Variants in OR2T1 observed in about 807,000 individuals in gnomAD.
OR2T1 encodes olfactory receptor 2T1.
For synonymous variants in OR2T1, 186 were observed against 145.4 expected, an observed-to-expected ratio of 1.28 and a Z score of -2.01; for missense variants, 440 against 390.2, an observed-to-expected ratio of 1.13 and a Z score of -1.07.
chr1:248,403,162 C>T lies in OR2T1; in HGVS notation c.-117C>T, dbSNP rs1321837189. On this transcript the variant is annotated 5_prime_UTR_variant, in exon 1 of 2. Coordinates refer to ENST00000642005, the MANE Select transcript of OR2T1 (RefSeq NM_030904.2). ...AACAATCCTTTCAAGTCAAAGGATA[C>T]TTGGGGGAAAAGATAGACTTTAACT... 6.6e-6 allele frequency: 1 copy of T among 152,068 alleles called. No individual in the cohort carries two copies. The highest frequency in any genetic ancestry group is 1.9e-4 in the East Asian group (1 of 5,188). 9.4% of individuals were successfully genotyped at this position (152,068 alleles called of 1,614,324 possible).
chr1:248,406,797 A>G lies in OR2T1; in HGVS notation c.650A>G (p.Tyr217Cys), dbSNP rs1319776040. The G allele has an allele frequency of 1.2e-6, 2 of 1,614,106 alleles. No individual in the cohort carries two copies. The highest frequency in any genetic ancestry group is 1.1e-5 in the South Asian group (1 of 91,074). The change falls in exon 2 of 2, where the codon TAT becomes TGT. Residue 217 changes from tyrosine to cysteine, a missense_variant. Tyr to Cys is a radical substitution (Grantham distance 194). Coordinates refer to ENST00000642005, the MANE Select transcript of OR2T1 (RefSeq NM_030904.2). Reference protein sequence around the residue: ...LIPFSVVLASYARILTTVQCM... With the variant: ...LIPFSVVLASCARILTTVQCM... ...CCTTTCTCTGTAGTCCTTGCTTCCT[A>G]TGCCCGAATCCTGACTACAGTTCAG...
chr1:248,406,472 G>A lies in OR2T1; in HGVS notation c.325G>A (p.Ala109Thr), dbSNP rs147198517. 4.3e-6 allele frequency: 7 copies of A among 1,614,034 alleles called. No individual in the cohort carries two copies. The African/African-American group carries it at 5.3e-5, about 12-fold the overall frequency. ...QHFLYLTLVG[A>T]EFFLLGLMAY... Reference sequence around the variant, plus strand: ...CTTCCTCTACCTTACCCTTGTGGGAGCTGAATTCTTCCTGCTGGGCCTCAT... The same window carrying A: ...CTTCCTCTACCTTACCCTTGTGGGAACTGAATTCTTCCTGCTGGGCCTCAT... Residue 109 changes from alanine to threonine, a missense_variant, in exon 2 of 2, where the codon GCT (alanine) becomes ACT (threonine). Coordinates refer to ENST00000642005, the MANE Select transcript of OR2T1 (RefSeq NM_030904.2).
rs758989536 is a variant in OR2T1 at position 248,406,181 on chromosome 1, A to G, written c.34A>G (p.Thr12Ala). 3.7e-6 allele frequency: 6 copies of G among 1,614,002 alleles called. No homozygotes were observed. Among genetic ancestry groups the G allele is most frequent in the Middle Eastern group, 1.7e-4 (1 of 6,060 alleles). Residue 12 changes from threonine to alanine, a missense_variant, in exon 2 of 2, where the codon ACT becomes GCT. Coordinates refer to ENST00000642005, the MANE Select transcript of OR2T1 (RefSeq NM_030904.2). The part of the protein sequence containing the change: ...EEYNTSSTDF[T>A]FMGLFNRKET... ...GTACAACACATCCTCTACAGACTTC[A>G]CTTTCATGGGGCTGTTCAACAGAAA... is the stretch of plus-strand genomic sequence containing the variant.
In OR2T1 at chr1:248,403,168, G is replaced by A. The variant is rs1015205303; in HGVS notation, c.-111G>A. 5 of 152,088 alleles carry A rather than the reference G, an allele frequency of 3.3e-5. No individual in the cohort carries two copies. The highest frequency in any genetic ancestry group is 4.1e-4 in the South Asian group (2 of 4,834). 9.4% of individuals were successfully genotyped at this position (152,088 alleles called of 1,614,324 possible). Reference sequence around the variant, plus strand: ...CCTTTCAAGTCAAAGGATACTTGGGGGAAAAGATAGACTTTAACTGCTGAT... The same window carrying A: ...CCTTTCAAGTCAAAGGATACTTGGGAGAAAAGATAGACTTTAACTGCTGAT... On this transcript the variant is annotated 5_prime_UTR_variant, in exon 1 of 2. Coordinates refer to ENST00000642005, the MANE Select transcript of OR2T1 (RefSeq NM_030904.2).
intron 1 of OR2T1, among the ~76,000 whole-genome samples, chr1:248,404,107 A>C (rs1015442242): frequency 1.8e-5 from 2 of 111,440 alleles, no homozygotes; most frequent in Admixed American, 1.9e-4. Context: ...AGTTTTTCTT[A>C]ATTGCCAGAG....
intron 1 of OR2T1, among the ~76,000 whole-genome samples, chr1:248,403,974 G>A (rs938873402): frequency 2.0e-5 from 3 of 150,122 alleles, no homozygotes; most frequent in Non-Finnish European, 4.4e-5. Context: ...ATAAATCTAT[G>A]GGAGGAAATT....
intron 1 of OR2T1, 39 bp downstream of exon 1, chr1:248,403,284 G>A (rs1558313475): frequency 6.6e-6 from 1 of 152,138 alleles, no homozygotes; most frequent in Non-Finnish European, 1.5e-5. Context: ...AGTTGAATAT[G>A]TAGATTGCTT....
At position 248,406,227 on chromosome 1, in the gene OR2T1, T is replaced by C. The variant is rs1430056609; in HGVS notation, c.80T>C (p.Phe27Ser). ...FNRKETSGLI[F>S]AIISIIFFTA... ...AGAAAGGAAACCTCAGGTCTTATTT[T>C]TGCCATCATCTCTATCATCTTCTTC... Residue 27 changes from phenylalanine to serine, a missense_variant, in exon 2 of 2, where the codon TTT becomes TCT. Transcript: ENST00000642005. 1.2e-6 allele frequency: 2 copies of C among 1,614,146 alleles called. No homozygotes were observed. Among genetic ancestry groups the C allele is most frequent in the Admixed American group, 3.3e-5 (2 of 60,010 alleles).
intron 1 of OR2T1, 138 bp downstream of exon 1, chr1:248,403,383 T>C (rs1390604763): frequency 2.0e-5 from 3 of 152,144 alleles, no homozygotes; most frequent in Non-Finnish European, 4.4e-5. Flanking sequence ...TTGTATAAAA[T>C]ATTTGCACCT....
chr1:248,407,231 G>C lies in OR2T1; in HGVS notation c.*127G>C. 1 of 953,486 alleles carries C rather than the reference G, an allele frequency of 1.0e-6. No homozygotes were observed. Among genetic ancestry groups the C allele is most frequent in the Non-Finnish European group, 1.5e-6 (1 of 652,344 alleles). The allele number at this position is 953,486 out of a possible 1,614,324, so 59.1% of individuals were successfully genotyped here. A position where few individuals can be genotyped will look rare whatever the true frequency, so the allele number is the denominator to read the frequency against. ...TTACAATATTGGTTTTTTGGCTAGG[G>C]TTTCTGGTTCATAACTCCATAGTTA... is the stretch of plus-strand genomic sequence containing the variant. On this transcript the variant is annotated 3_prime_UTR_variant, in exon 2 of 2. Coordinates refer to ENST00000642005, the MANE Select transcript of OR2T1 (RefSeq NM_030904.2).
rs1268355187 is a variant in OR2T1, at chr1:248,407,452, CA to C, written c.*352del. 15 of 244,026 alleles carry C rather than the reference CA, an allele frequency of 6.1e-5. No individual in the cohort carries two copies. The Admixed American group carries it at 7.2e-4, about 12-fold the overall frequency. The allele number at this position is 244,026 out of a possible 1,614,324, so 15.1% of individuals were successfully genotyped here. A position where few individuals can be genotyped will look rare whatever the true frequency, so the allele number is the denominator to read the frequency against. ...ACTGTATGTCATAAGACCTCTGTTT[CA>C]AAAGAGGTCTTCTCTCATACCCTGG... On this transcript the variant is annotated 3_prime_UTR_variant, in exon 2 of 2. Coordinates refer to ENST00000642005, the MANE Select transcript of OR2T1 (RefSeq NM_030904.2).
chr1:248,403,134 A>G lies in OR2T1; in HGVS notation c.-145A>G, dbSNP rs1661466686. 1 of 152,160 alleles carries G rather than the reference A, an allele frequency of 6.6e-6. No individual in the cohort carries two copies. The highest frequency in any genetic ancestry group is 1.5e-5 in the Non-Finnish European group (1 of 68,030). The allele number at this position is 152,160 out of a possible 1,614,324, so 9.4% of individuals were successfully genotyped here. ...CAGTTTTTTCTGAGAATTTCTACTA[A>G]GTAACAATCCTTTCAAGTCAAAGGA... is the stretch of plus-strand genomic sequence containing the variant. On this transcript the variant is annotated 5_prime_UTR_variant, in exon 1 of 2. Transcript: ENST00000642005.
In OR2T1 at chr1:248,407,319, C is replaced by A; in HGVS notation, c.*215C>A. On this transcript the variant is annotated 3_prime_UTR_variant, in exon 2 of 2. Transcript: ENST00000642005. ...TCTCTCTGTGATCTTCGCCTTCCCTCTTTTCACCTGCTTCTTTTTCTCCCC... is the reference window on the plus strand; with the variant it reads ...TCTCTCTGTGATCTTCGCCTTCCCTATTTTCACCTGCTTCTTTTTCTCCCC... The A allele has an allele frequency of 2.3e-6, 1 of 437,560 alleles. No individual in the cohort carries two copies. The highest frequency in any genetic ancestry group is 4.0e-6 in the Non-Finnish European group (1 of 250,524). 27.1% of individuals were successfully genotyped at this position (437,560 alleles called of 1,614,324 possible).
rs748303855 is a variant in OR2T1 at position 248,406,201 on chromosome 1, C to T, written c.54C>T (p.Asn18=). The T allele has an allele frequency of 6.2e-7, 1 of 1,614,056 alleles. No homozygotes were observed. Among genetic ancestry groups the T allele is most frequent in the South Asian group, 1.1e-5 (1 of 91,080 alleles). The change falls in exon 2 of 2, where the codon AAC becomes AAT. Residue 18 remains asparagine (N), a synonymous_variant. Transcript: ENST00000642005. ...STDFTFMGLF[N]RKETSGLIFA... Reference sequence around the variant, plus strand: ...ACTTCACTTTCATGGGGCTGTTCAACAGAAAGGAAACCTCAGGTCTTATTT... The same window carrying T: ...ACTTCACTTTCATGGGGCTGTTCAATAGAAAGGAAACCTCAGGTCTTATTT...
chr1:248,407,621 A>G lies in OR2T1; in HGVS notation c.*517A>G, dbSNP rs556812892. ...AATTGTCCATGCTTCAATCATGACT[A>G]TTCAATAAAGTCTCCATATAAGGGC... On this transcript the variant is annotated 3_prime_UTR_variant, in exon 2 of 2. Transcript: ENST00000642005. 1.2e-4 allele frequency: 18 copies of G among 153,390 alleles called. No individual in the cohort carries two copies. The highest frequency in any genetic ancestry group is 4.3e-4 in the African/African-American group (18 of 41,590). The allele number at this position is 153,390 out of a possible 1,614,324, so 9.5% of individuals were successfully genotyped here.
rs1661603956 is a variant in OR2T1, at chr1:248,407,861, G to A, written c.*757G>A. 1 of 149,194 alleles carries A rather than the reference G, an allele frequency of 6.7e-6. No individual in the cohort carries two copies. Among genetic ancestry groups the A allele is most frequent in the Non-Finnish European group, 1.5e-5 (1 of 67,198 alleles). The allele number at this position is 149,194 out of a possible 1,614,324, so 9.2% of individuals were successfully genotyped here. A position where few individuals can be genotyped will look rare whatever the true frequency, so the allele number is the denominator to read the frequency against. On this transcript the variant is annotated 3_prime_UTR_variant, in exon 2 of 2. Transcript: ENST00000642005. ...CATTTATAACAAGTGGTAAACATAG[G>A]TAAGTGTTTCCTTGAATTCTGTGAG...
In OR2T1 at chr1:248,407,198, T is replaced by C; in HGVS notation, c.*94T>C. 8.0e-7 allele frequency: 1 copy of C among 1,244,368 alleles called. No individual in the cohort carries two copies. The highest frequency in any genetic ancestry group is 2.4e-5 in the East Asian group (1 of 42,158). 77.1% of individuals were successfully genotyped at this position (1,244,368 alleles called of 1,614,324 possible). On this transcript the variant is annotated 3_prime_UTR_variant, in exon 2 of 2. Coordinates refer to ENST00000642005, the MANE Select transcript of OR2T1 (RefSeq NM_030904.2). The stretch of plus-strand genomic sequence containing the variant: ...AAAGATGAAGCAAAAAGGGAGGGAG[T>C]CATATGATTACAATATTGGTTTTTT...
Position 248,407,124 on chromosome 1 carries a change from C to A in OR2T1, c.*20C>A. On this transcript the variant is annotated 3_prime_UTR_variant, in exon 2 of 2. Coordinates refer to ENST00000642005, the MANE Select transcript of OR2T1 (RefSeq NM_030904.2). ...TTTTGACAGTCGACTCCTTCCCATG[C>A]ATATGGTAAATGGGGGACTCTGTGG... 1 of 1,545,404 alleles carries A rather than the reference C, an allele frequency of 6.5e-7. No individual in the cohort carries two copies. The highest frequency in any genetic ancestry group is 8.7e-7 in the Non-Finnish European group (1 of 1,148,012).
chr1:248,403,164 TG>T lies in OR2T1; in HGVS notation c.-110del, dbSNP rs1272154029. 1.3e-5 allele frequency: 2 copies of T among 152,080 alleles called. No homozygotes were observed. Among genetic ancestry groups the T allele is most frequent in the Admixed American group, 1.3e-4 (2 of 15,234 alleles). The allele number at this position is 152,080 out of a possible 1,614,324, so 9.4% of individuals were successfully genotyped here. A position where few individuals can be genotyped will look rare whatever the true frequency, so the allele number is the denominator to read the frequency against. ...CAATCCTTTCAAGTCAAAGGATACTTGGGGGAAAAGATAGACTTTAACTGCT... is the reference window on the plus strand; with the variant it reads ...CAATCCTTTCAAGTCAAAGGATACTTGGGGAAAAGATAGACTTTAACTGCT... On this transcript the variant is annotated 5_prime_UTR_variant, in exon 1 of 2. Coordinates refer to ENST00000642005, the MANE Select transcript of OR2T1 (RefSeq NM_030904.2).
Sources: allele counts gnomAD v4.1 joint callset (sites outside exome capture counted in the v4.1 genomes callset), GRCh38; gene constraint gnomAD v4.1.1; transcripts MANE v1.5; gene names NCBI Gene and HGNC (gene_info 2026-07-23, HGNC 2026-07-21).